ADCY9: variants seen among roughly 807,000 people sequenced by gnomAD.
ADCY9 encodes adenylate cyclase type 9.
In ADCY9, 50 loss-of-function variants were observed where a neutral mutation model predicts 101.5. The ratio of observed to expected loss-of-function variants is 0.49; its 90% CI spans 0.39 to 0.62. The LOEUF is 0.62. Ranked by LOEUF, ADCY9 falls within the 20% of genes least tolerant of loss-of-function variation. The pLI is 0.00. For synonymous variants in ADCY9, 905 were observed against 769.3 expected, an observed-to-expected ratio of 1.18 and a Z score of -2.92; for missense variants, 1,662 against 1,800.4, an observed-to-expected ratio of 0.92 and a Z score of 1.39.
At chr16:3,980,848 G>A (rs1026072002) in intron 7 of ADCY9, among the ~76,000 whole-genome samples, 33 of 152,316 alleles carry the variant, frequency 2.2e-4, no homozygotes, top group African/African-American at 7.2e-4. Context: ...GGTTGGAGGG[G>A]GCCTTCATGC....
chr16:4,088,374 C>T (rs1257129109), intron 2 of ADCY9, among the ~76,000 whole-genome samples: 4 of 151,962 alleles, frequency 2.6e-5, no homozygotes, highest in South Asian at 4.1e-4. Flanking sequence ...TCACTGTAGC[C>T]TCAACTTCCC....
At chr16:4,057,907 C>T (rs1423830525) in intron 2 of ADCY9, among the ~76,000 whole-genome samples, 1 of 152,094 alleles carries the variant, frequency 6.6e-6, no homozygotes, top group African/African-American at 2.4e-5. Flanking sequence ...TTGAGTAATC[C>T]CAGCACTTTG....
intron 2 of ADCY9, among the ~76,000 whole-genome samples, chr16:4,030,576 G>A (rs1166569705): frequency 2.0e-5 from 3 of 152,090 alleles, no homozygotes; most frequent in Admixed American, 6.6e-5. Context: ...GGTGGTGGGT[G>A]CCTGTAGTCC....
chr16:4,072,746 A>G (rs1043043574), intron 2 of ADCY9, among the ~76,000 whole-genome samples: 13 of 152,334 alleles, frequency 8.5e-5, no homozygotes, highest in African/African-American at 3.1e-4. Context: ...GACTCCAAAA[A>G]AGAGAAATAC....
Position 4,047,335 on chromosome 16 carries a change from A to T in ADCY9, c.1694-39777T>A, listed in dbSNP as rs193142622. Among the ~76,000 whole-genome samples the T allele has an allele frequency of 6.0e-3, 908 of 152,284 alleles. 6 individuals are homozygous for T. Among genetic ancestry groups the T allele is most frequent in the Non-Finnish European group, 9.1e-3 (622 of 68,026 alleles). ...AAGAGATAAAAAGAAAGAGAGAGCT[A>T]GCTTAGCAAAAATCATCTAAACTAC... is the stretch of plus-strand genomic sequence containing the variant. On this transcript the variant is annotated intron_variant, in intron 2 of 10. Coordinates refer to ENST00000294016, the MANE Select transcript of ADCY9 (RefSeq NM_001116.4).
chr16:4,116,053 G>A lies in ADCY9; in HGVS notation c.-407C>T, dbSNP rs1437183291. ...TCCCCGGCCGCCCCCCGCGCTCCGG[G>A]CCGGCCCTGCCCGCGGCGGCGGGCG... On this transcript the variant is annotated 5_prime_UTR_variant, in exon 1 of 11. Transcript: ENST00000294016. 1 of 145,796 alleles carries A rather than the reference G, an allele frequency of 6.9e-6. No homozygotes were observed. The highest frequency in any genetic ancestry group is 2.5e-5 in the African/African-American group (1 of 40,730). The allele number at this position is 145,796 out of a possible 1,614,324, so 9.0% of individuals were successfully genotyped here.
intron 2 of ADCY9, among the ~76,000 whole-genome samples, chr16:4,038,013 C>T (rs1017727923): frequency 2.0e-5 from 3 of 152,202 alleles, no homozygotes; most frequent in Admixed American, 6.5e-5. Flanking sequence ...TGGCTCAACA[C>T]CTGTAATCCC....
chr16:4,065,756 G>A (rs939174224), intron 2 of ADCY9, among the ~76,000 whole-genome samples: 5 of 152,030 alleles, frequency 3.3e-5, no homozygotes, highest in Admixed American at 6.6e-5. Context: ...TTTAGTAGAG[G>A]CGGGGTTTCG....
intron 2 of ADCY9, among the ~76,000 whole-genome samples, chr16:4,090,230 G>A (rs7203473): frequency 6.6e-6 from 1 of 152,036 alleles, no homozygotes; most frequent in Non-Finnish European, 1.5e-5. Flanking sequence ...AATACAGCTG[G>A]AGGCGTCCAA....
chr16:4,001,906 A>T (rs2056333857), intron 3 of ADCY9, among the ~76,000 whole-genome samples: 1 of 151,686 alleles, frequency 6.6e-6, no homozygotes, highest in African/African-American at 2.4e-5. Flanking sequence ...CAGCCACCAC[A>T]CCCGGCTAAT....
At chr16:3,970,543 G>T (rs767591244) in intron 10 of ADCY9, among the ~76,000 whole-genome samples, 1 of 151,998 alleles carries the variant, frequency 6.6e-6, no homozygotes, top group Non-Finnish European at 1.5e-5. Context: ...GACCAGGTTG[G>T]TCTGGAACTC....
intron 10 of ADCY9, among the ~76,000 whole-genome samples, chr16:3,968,500 C>G (rs1488633650): frequency 3.9e-5 from 6 of 152,162 alleles, no homozygotes; most frequent in African/African-American, 7.2e-5. Flanking sequence ...TCTATACTCT[C>G]TACCTGTATA....
downstream of ADCY9, among the ~76,000 whole-genome samples, chr16:3,960,586 C>T (rs987391513): frequency 1.3e-5 from 2 of 152,128 alleles, no homozygotes; most frequent in Non-Finnish European, 2.9e-5. Context: ...TGCATTTTTT[C>T]TGGACAAAGT....
intron 2 of ADCY9, among the ~76,000 whole-genome samples, chr16:4,038,854 T>C (rs985120607): frequency 1.3e-5 from 2 of 152,070 alleles, no homozygotes; most frequent in African/African-American, 4.8e-5. Context: ...GAACCCTGAA[T>C]GTCTCTCGGG....
At chr16:4,015,938 A>G (rs1260949731) in intron 2 of ADCY9, among the ~76,000 whole-genome samples, 1 of 151,636 alleles carries the variant, frequency 6.6e-6, no homozygotes, top group Non-Finnish European at 1.5e-5. Context: ...ACTGCACTCT[A>G]GCCTGGGTGA....
In ADCY9 at chr16:3,983,295, G is replaced by A; in HGVS notation, c.2456C>T (p.Ala819Val). ...GGCTGCACTGAAGACCGCCAGGGCGGCGGGCGGGGGAGGCACGGTGGCCGC... is the reference window on the plus strand; with the variant it reads ...GGCTGCACTGAAGACCGCCAGGGCGACGGGCGGGGGAGGCACGGTGGCCGC... Reference protein sequence around the residue: ...YEAATVPPPPAALAVFSAALL... With the variant: ...YEAATVPPPPVALAVFSAALL... The change falls in exon 7 of 11, where the codon GCC (alanine) becomes GTC (valine). Residue 819 changes from alanine (A) to valine (V), a missense_variant. Ala to Val is a moderately conservative substitution (Grantham distance 64, BLOSUM62 0). Around this residue, in one of 5 missense-constraint regions of ADCY9, gnomAD observed 624 missense variants for 639.1 expected, o/e 0.98. Coordinates refer to ENST00000294016, the MANE Select transcript of ADCY9 (RefSeq NM_001116.4). 1 of 1,560,812 alleles carries A rather than the reference G, an allele frequency of 6.4e-7. No individual in the cohort carries two copies. The highest frequency in any genetic ancestry group is 8.7e-7 in the Non-Finnish European group (1 of 1,152,782).
chr16:4,092,577 G>T (rs1488697771), intron 2 of ADCY9, among the ~76,000 whole-genome samples: 1 of 152,058 alleles, frequency 6.6e-6, no homozygotes, highest in Non-Finnish European at 1.5e-5. Flanking sequence ...CAAAAGAAAT[G>T]CCCTTTTGGT....
chr16:4,063,063 C>CATAT (rs2056781717), intron 2 of ADCY9, among the ~76,000 whole-genome samples: 1 of 152,138 alleles, frequency 6.6e-6, no homozygotes, highest in Non-Finnish European at 1.5e-5. Context: ...TTCAAGTGTA[C>CATAT]ATATCGCATT....
At position 3,992,706 on chromosome 16, in the gene ADCY9, C is replaced by T. The variant is rs1006739339; in HGVS notation, c.1990-343G>A. Among the ~76,000 whole-genome samples the T allele has an allele frequency of 2.6e-5, 4 of 152,002 alleles. No homozygotes were observed. Among genetic ancestry groups the T allele is most frequent in the African/African-American group, 4.8e-5 (2 of 41,382 alleles). On this transcript the variant is annotated intron_variant, in intron 4 of 10. Coordinates refer to ENST00000294016, the MANE Select transcript of ADCY9 (RefSeq NM_001116.4). This position sits in a 1 kb window ranked among gnomAD's most constrained non-coding sequence, Gnocchi z 4.2. The stretch of plus-strand genomic sequence containing the variant: ...CCAGAGTCTGCTTAGGCCAGAACCA[C>T]GGTTCTGGGAGCAGGGTGCATGGGT...
Sources: allele counts gnomAD v4.1 joint callset (sites outside exome capture counted in the v4.1 genomes callset), GRCh38; gene constraint gnomAD v4.1.1; regional missense constraint gnomAD v4.1.1; non-coding constraint Gnocchi (gnomAD v3.1); transcripts MANE v1.5; gene names NCBI Gene and HGNC (gene_info 2026-07-23, HGNC 2026-07-21).